The following EVL variants were observed in gnomAD, a reference collection of about 807,000 sequenced individuals.
EVL encodes Enah/Vasp-like.
EVL carries 21 observed loss-of-function variants against 59.6 expected under a neutral mutation model. That is an observed-to-expected ratio of 0.35 (90% CI 0.25 to 0.51). The LOEUF (loss-of-function observed/expected upper bound fraction) is 0.51, where lower values mean the gene tolerates loss of function less well. Among genes scored for constraint, EVL ranks in the 20% least tolerant of loss-of-function variants. EVL has a pLI of 0.97. For missense variants in EVL, 462 were observed against 546.6 expected (o/e 0.85, Z 1.54); for synonymous variants, 198 against 203.5 (o/e 0.97, Z 0.23).
At chr14:100,139,953 G>C (rs1202330775) in intron 11 of EVL, 2 of 152,228 alleles carry the variant, frequency 1.3e-5, no homozygotes, top group African/African-American at 4.8e-5. Flanking sequence ...ATGCATGTGT[G>C]ACACATTAAC....
intron 2 of EVL, among the ~76,000 whole-genome samples, chr14:100,096,515 TGCCATA>T (rs1184335095): frequency 2.0e-5 from 3 of 152,134 alleles, no homozygotes; most frequent in Admixed American, 6.5e-5. Flanking sequence ...GAGGGTGCCA[TGCCATA>T]GCCATATCAC....
chr14:99,982,416 C>G (rs1289579496), intron 1 of EVL, among the ~76,000 whole-genome samples: 1 of 152,010 alleles, frequency 6.6e-6, no homozygotes, highest in Non-Finnish European at 1.5e-5. Context: ...TAAAGGCTAT[C>G]AATATATACT....
chr14:99,997,239 T>C (rs2060919526), intron 1 of EVL, among the ~76,000 whole-genome samples: 1 of 152,262 alleles, frequency 6.6e-6, no homozygotes, highest in South Asian at 2.1e-4. Context: ...CTAATGTAAA[T>C]GCCCAGCTTC....
intron 1 of EVL, among the ~76,000 whole-genome samples, chr14:100,073,732 A>G (rs1345248878): frequency 6.6e-6 from 1 of 152,196 alleles, no homozygotes; most frequent in South Asian, 2.1e-4. Context: ...GCTGAGAAAT[A>G]CAATACCTGG....
chr14:100,102,676 G>A (rs761352964), intron 3 of EVL, among the ~76,000 whole-genome samples: 5 of 152,260 alleles, frequency 3.3e-5, no homozygotes, highest in South Asian at 4.1e-4. Flanking sequence ...GAGGGTTGGC[G>A]TTTTTCTCCC....
intron 3 of EVL, among the ~76,000 whole-genome samples, chr14:100,112,443 ACT>A (rs1024208179): frequency 6.6e-6 from 1 of 151,968 alleles, no homozygotes; most frequent in African/African-American, 2.4e-5. Context: ...CTTGCCCAGA[ACT>A]CTCTAGGATT....
intron 3 of EVL, among the ~76,000 whole-genome samples, chr14:100,120,369 C>T (rs1000294576): frequency 3.9e-5 from 6 of 152,170 alleles, no homozygotes; most frequent in Admixed American, 2.0e-4. Context: ...GCGTGGAGTG[C>T]GGAGTGAGAC....
intron 1 of EVL, among the ~76,000 whole-genome samples, chr14:100,077,837 A>G (rs1475886981): frequency 1.3e-5 from 2 of 152,222 alleles, no homozygotes; most frequent in East Asian, 3.9e-4. Flanking sequence ...CAATGGCGCA[A>G]TCTCGGCTCA....
chr14:100,037,429 C>A (rs2140227752), intron 1 of EVL, among the ~76,000 whole-genome samples: 1 of 152,264 alleles, frequency 6.6e-6, no homozygotes, highest in South Asian at 2.1e-4. Flanking sequence ...GTTAATCTTC[C>A]TTCTCATATA....
intron 1 of EVL, among the ~76,000 whole-genome samples, chr14:100,007,875 A>G (rs1033068623): frequency 6.6e-6 from 1 of 152,186 alleles, no homozygotes; most frequent in African/African-American, 2.4e-5. Context: ...TCCCACTATT[A>G]GGTGTAGGGC....
chr14:100,142,433 A>C (rs1014480796), intron 13 of EVL, among the ~76,000 whole-genome samples: 14 of 152,154 alleles, frequency 9.2e-5, no homozygotes, highest in Non-Finnish European at 1.8e-4. Flanking sequence ...GAAAAGGGGG[A>C]GTGGGCAGGG....
At chr14:100,016,226 A>AAAAAAC (rs141487426) in intron 1 of EVL, among the ~76,000 whole-genome samples, 1 of 151,760 alleles carries the variant, frequency 6.6e-6, no homozygotes, top group Non-Finnish European at 1.5e-5. Context: ...GAGTGCCTTT[A>AAAAAAC]AAAAACAAAA....
intron 1 of EVL, among the ~76,000 whole-genome samples, chr14:100,054,666 C>G (rs570796442): frequency 1.3e-5 from 2 of 152,272 alleles, no homozygotes; most frequent in Admixed American, 1.3e-4. Flanking sequence ...GCCTTGCCTT[C>G]TCTGTGGAAG....
intron 1 of EVL, among the ~76,000 whole-genome samples, chr14:99,987,905 A>G (rs75985311): frequency 2.8e-4 from 29 of 103,820 alleles, no homozygotes; most frequent in Admixed American, 3.1e-4. Flanking sequence ...AGACAACCCA[A>G]TTTTTTTTTT....
chr14:100,078,217 A>G (rs906703047), intron 1 of EVL, among the ~76,000 whole-genome samples: 23 of 152,200 alleles, frequency 1.5e-4, no homozygotes, highest in Non-Finnish European at 4.4e-5. Context: ...ATGCACGCAC[A>G]CTTTTGCAGA....
intron 1 of EVL, among the ~76,000 whole-genome samples, chr14:99,983,100 G>T (rs923684385): frequency 6.6e-6 from 1 of 152,132 alleles, no homozygotes; most frequent in African/African-American, 2.4e-5. Flanking sequence ...CTTCCATGAG[G>T]ATATGGGACA....
intron 3 of EVL, among the ~76,000 whole-genome samples, chr14:100,111,362 G>A (rs899727813): frequency 4.0e-5 from 6 of 151,866 alleles, no homozygotes; most frequent in African/African-American, 1.5e-4. Flanking sequence ...TCACCATGTT[G>A]GCCAGGCTGG....
chr14:100,120,864 C>T (rs1017411698), intron 3 of EVL, among the ~76,000 whole-genome samples: 5 of 152,124 alleles, frequency 3.3e-5, no homozygotes, highest in Non-Finnish European at 7.4e-5. Flanking sequence ...AAGAGAGAGA[C>T]GCCAAGGCTG....
At chr14:100,044,731 G>A (rs2061522391) in intron 1 of EVL, among the ~76,000 whole-genome samples, 2 of 152,312 alleles carry the variant, frequency 1.3e-5, no homozygotes, top group African/African-American at 4.8e-5. Flanking sequence ...AGTAACCTAA[G>A]CAGGGGTGGT....
Sources: allele counts gnomAD v4.1 joint callset (sites outside exome capture counted in the v4.1 genomes callset), GRCh38; gene constraint gnomAD v4.1.1; transcripts MANE v1.5; gene names NCBI Gene and HGNC (gene_info 2026-07-23, HGNC 2026-07-21).